SLC35F4: variants seen among roughly 807,000 people sequenced by gnomAD.
SLC35F4 encodes the protein chromosome 14 open reading frame 36.
A neutral mutation model predicts 44.2 loss-of-function variants in SLC35F4; 24 were observed. The ratio of observed to expected loss-of-function variants is 0.54; its 90% CI spans 0.39 to 0.76. The LOEUF (loss-of-function observed/expected upper bound fraction) is 0.76, where lower values mean the gene tolerates loss of function less well. Among genes scored for constraint, SLC35F4 ranks in the 30% least tolerant of loss-of-function variants. The pLI is 0.00. For synonymous variants in SLC35F4, 238 were observed against 223.6 expected, an observed-to-expected ratio of 1.06 and a Z score of -0.57; for missense variants, 562 against 586.1, an observed-to-expected ratio of 0.96 and a Z score of 0.42.
rs568414064 is a variant in SLC35F4, at chr14:57,845,709, A to G, written c.103+20014T>C. Among the ~76,000 whole-genome samples the G allele has an allele frequency of 2.0e-5, 3 of 152,332 alleles. No homozygotes were observed. The South Asian group carries it at 6.2e-4, about 32-fold the overall frequency. ...CAGAAGCTGTATGTGCTGGGGTTTT[A>G]CATGCATGATCTTTACATCAAGTGT... On this transcript the variant is annotated intron_variant, in intron 1 of 7. Transcript: ENST00000556826.
chr14:57,758,597 G>A (rs1318439430), intron 1 of SLC35F4, among the ~76,000 whole-genome samples: 2 of 151,876 alleles, frequency 1.3e-5, no homozygotes, highest in African/African-American at 2.4e-5. Context: ...TATAATAACT[G>A]TCTTAATGTC....
intron 1 of SLC35F4, among the ~76,000 whole-genome samples, chr14:57,666,120 A>G (rs2074299607): frequency 2.0e-5 from 3 of 152,230 alleles, no homozygotes; most frequent in African/African-American, 7.2e-5. Context: ...AACTGAAAAT[A>G]AAAGTTAAAA....
At chr14:57,621,769 T>C (rs961737577) in intron 1 of SLC35F4, among the ~76,000 whole-genome samples, 1 of 150,526 alleles carries the variant, frequency 6.6e-6, no homozygotes, top group Non-Finnish European at 1.5e-5. Flanking sequence ...AAGGACTTCA[T>C]GTCTAAAACA....
chr14:57,695,363 C>T (rs1287687285), intron 1 of SLC35F4, among the ~76,000 whole-genome samples: 1 of 151,236 alleles, frequency 6.6e-6, no homozygotes, highest in African/African-American at 2.4e-5. Flanking sequence ...GGGCGAAGCA[C>T]ATGAACAGAC....
intron 1 of SLC35F4, among the ~76,000 whole-genome samples, chr14:57,829,768 TC>T (rs1156819715): frequency 6.6e-6 from 1 of 152,082 alleles, no homozygotes; most frequent in Non-Finnish European, 1.5e-5. Flanking sequence ...TGATTCTGAG[TC>T]TTTTAATCCC....
chr14:57,878,656 C>G (rs193298475), intron 1 of SLC35F4, among the ~76,000 whole-genome samples: 2 of 152,272 alleles, frequency 1.3e-5, no homozygotes, highest in East Asian at 1.9e-4. Flanking sequence ...AACCAAGAAG[C>G]TGCTTCATCA....
intron 1 of SLC35F4, among the ~76,000 whole-genome samples, chr14:57,793,165 T>G (rs952298214): frequency 6.6e-6 from 1 of 152,058 alleles, no homozygotes; most frequent in Non-Finnish European, 1.5e-5. Flanking sequence ...AGTAACAGAA[T>G]GCAAAAGAAT....
At chr14:57,769,883 C>A (rs2077321259) in intron 1 of SLC35F4, among the ~76,000 whole-genome samples, 1 of 152,166 alleles carries the variant, frequency 6.6e-6, no homozygotes, top group Admixed American at 6.5e-5. Context: ...CACAATTTTT[C>A]ACAGCCTGAG....
intron 1 of SLC35F4, among the ~76,000 whole-genome samples, chr14:57,721,993 G>C (rs2076096813): frequency 7.3e-6 from 1 of 136,070 alleles, no homozygotes; most frequent in South Asian, 2.4e-4. Flanking sequence ...TATAACTAAA[G>C]TCCTTGTGGG....
chr14:57,972,684 A>T (rs911764273), downstream of SLC35F4, among the ~76,000 whole-genome samples: 3 of 152,304 alleles, frequency 2.0e-5, no homozygotes, highest in Non-Finnish European at 2.9e-5. Flanking sequence ...CTCTCAGCCT[A>T]GTGGTCTCAT....
intron 1 of SLC35F4, among the ~76,000 whole-genome samples, chr14:57,652,660 C>T (rs1192757169): frequency 1.3e-5 from 2 of 151,744 alleles, no homozygotes; most frequent in East Asian, 1.9e-4. Context: ...AGGATAGTAA[C>T]CCCCACACAA....
At chr14:57,931,430 T>A (rs1889694761) in intron 1 of SLC35F4, among the ~76,000 whole-genome samples, 1 of 152,100 alleles carries the variant, frequency 6.6e-6, no homozygotes, top group South Asian at 2.1e-4. Context: ...CAAAGACCAA[T>A]CTAAAAGGAA....
chr14:57,870,362 A>G (rs979303126), upstream of SLC35F4, among the ~76,000 whole-genome samples: 4 of 152,126 alleles, frequency 2.6e-5, no homozygotes, highest in African/African-American at 9.7e-5. Context: ...GCCAGGAGTC[A>G]TTTCTGACCT....
intron 1 of SLC35F4, among the ~76,000 whole-genome samples, chr14:57,842,499 C>T (rs1444360744): frequency 6.6e-6 from 1 of 152,118 alleles, no homozygotes; most frequent in Non-Finnish European, 1.5e-5. Context: ...TGGCCACCCA[C>T]CAGACATGGG....
chr14:57,806,907 T>A (rs896980177), intron 1 of SLC35F4, among the ~76,000 whole-genome samples: 1 of 152,208 alleles, frequency 6.6e-6, no homozygotes, highest in Non-Finnish European at 1.5e-5. Flanking sequence ...TGTGGGGAAT[T>A]GCTACTAATA....
At chr14:57,883,436 ACC>A (rs1172846067) in intron 1 of SLC35F4, among the ~76,000 whole-genome samples, 1 of 152,210 alleles carries the variant, frequency 6.6e-6, no homozygotes, top group Admixed American at 6.5e-5. Flanking sequence ...AACATAGAGC[ACC>A]ACTCTCACCT....
chr14:57,622,744 C>T (rs1333487770), intron 1 of SLC35F4, among the ~76,000 whole-genome samples: 1 of 151,884 alleles, frequency 6.6e-6, no homozygotes, highest in Non-Finnish European at 1.5e-5. Flanking sequence ...GGGTGCAGCG[C>T]ACCAGCATGG....
chr14:57,665,976 T>C (rs187393394), intron 1 of SLC35F4, among the ~76,000 whole-genome samples: 468 of 152,198 alleles, frequency 3.1e-3, no homozygotes, highest in Non-Finnish European at 5.5e-3. Context: ...TTTTGGTCTA[T>C]TGGAAGGTGG....
chr14:57,728,989 C>A (rs2076281973), intron 1 of SLC35F4, among the ~76,000 whole-genome samples: 1 of 152,164 alleles, frequency 6.6e-6, no homozygotes, highest in Non-Finnish European at 1.5e-5. Flanking sequence ...CCACTCTCTC[C>A]TGGCCTATAA....
Sources: allele counts gnomAD v4.1 joint callset (sites outside exome capture counted in the v4.1 genomes callset), GRCh38; gene constraint gnomAD v4.1.1; transcripts MANE v1.5; gene names NCBI Gene and HGNC (gene_info 2026-07-23, HGNC 2026-07-21).